Variants in ROBO2 observed in about 807,000 individuals in gnomAD.
The protein encoded by ROBO2 is roundabout homolog 2.
ROBO2 carries 53 observed loss-of-function variants against 160.8 expected under a neutral mutation model. That is an observed-to-expected ratio of 0.33 (90% CI 0.26 to 0.41). ROBO2 has a LOEUF of 0.41. ROBO2 is among the 10% of genes least tolerant of loss of function. The pLI is 1.00. For synonymous variants in ROBO2, 664 were observed against 611.7 expected, an observed-to-expected ratio of 1.09 and a Z score of -1.26; for missense variants, 1,577 against 1,722.4, an observed-to-expected ratio of 0.92 and a Z score of 1.49.
rs2076453406 is a variant in ROBO2 at position 76,918,325 on chromosome 3, C to T, written c.110-179689C>T. On this transcript the variant is annotated intron_variant, in intron 2 of 26. Transcript: ENST00000487694. Reference sequence around the variant, plus strand: ...CATTTCCCCTCTTTGCACTTATTCTCTCTCCTGTGACCCTGTGAAGAGGTG... The same window carrying T: ...CATTTCCCCTCTTTGCACTTATTCTTTCTCCTGTGACCCTGTGAAGAGGTG... 2.0e-5 allele frequency among the ~76,000 whole-genome samples: 3 copies of T among 152,164 alleles called. No homozygotes were observed. The South Asian group carries it at 6.2e-4, about 31-fold the overall frequency.
intron 1 of ROBO2, among the ~76,000 whole-genome samples, chr3:75,928,942 TACCTTCAAAC>T (rs1190836228): frequency 7.0e-6 from 1 of 142,350 alleles, no homozygotes; most frequent in African/African-American, 2.7e-5. Context: ...ACTTTCAATG[TACCTTCAAAC>T]ATGAGATGTG....
chr3:76,913,623 A>G (rs563574762), intron 2 of ROBO2, among the ~76,000 whole-genome samples: 1 of 152,348 alleles, frequency 6.6e-6, no homozygotes, highest in South Asian at 2.1e-4. Flanking sequence ...GAATAAATAA[A>G]TTAATGCATT....
At chr3:76,782,331 G>C (rs1179095984) in intron 2 of ROBO2, among the ~76,000 whole-genome samples, 1 of 150,660 alleles carries the variant, frequency 6.6e-6, no homozygotes, top group Non-Finnish European at 1.5e-5. Flanking sequence ...AATTCTGTGT[G>C]AACATTCCAT....
intron 2 of ROBO2, among the ~76,000 whole-genome samples, chr3:76,460,031 TA>T (rs1264768351): frequency 1.3e-5 from 2 of 152,270 alleles, no homozygotes; most frequent in African/African-American, 2.4e-5. Flanking sequence ...AAGATATCTT[TA>T]TTTTTTTCTT....
Position 77,253,212 on chromosome 3 carries a change from C to G in ROBO2, c.388+154872C>G, listed in dbSNP as rs150154749. On this transcript the variant is annotated intron_variant, in intron 2 of 25. Coordinates refer to ENST00000461745, the Ensembl canonical transcript of ROBO2. ...TTTCAACGTGCAAATTTTGATTTTACTGAGAATATTTAAAAGATAATTGTG... is the reference window on the plus strand; with the variant it reads ...TTTCAACGTGCAAATTTTGATTTTAGTGAGAATATTTAAAAGATAATTGTG... Among the ~76,000 whole-genome samples, 296 of 152,084 alleles carry G rather than the reference C, an allele frequency of 1.9e-3. 2 individuals are homozygous for G. The highest frequency in any genetic ancestry group is 7.0e-3 in the African/African-American group (289 of 41,504).
In ROBO2 at chr3:76,278,578, A is replaced by G. The variant is rs372033289; in HGVS notation, c.109+340976A>G. On this transcript the variant is annotated intron_variant, in intron 2 of 26. Transcript: ENST00000487694. Reference sequence around the variant, plus strand: ...GAGTCAATAAAAATAACAGAACACTAAGAGAAACATACAAGTTTGTCCCGG... The same window carrying G: ...GAGTCAATAAAAATAACAGAACACTGAGAGAAACATACAAGTTTGTCCCGG... Among the ~76,000 whole-genome samples the G allele has an allele frequency of 1.7e-4, 26 of 152,162 alleles. No individual in the cohort carries two copies. In the South Asian group the frequency reaches 5.4e-3, roughly 32 times the overall value.
chr3:76,328,062 A>G (rs1207379693), intron 2 of ROBO2, among the ~76,000 whole-genome samples: 1 of 152,192 alleles, frequency 6.6e-6, no homozygotes, highest in Non-Finnish European at 1.5e-5. Flanking sequence ...AGCCTTCACT[A>G]AATTAATTGA....
chr3:77,442,882 T>C (rs1193881822), intron 2 of ROBO2, among the ~76,000 whole-genome samples: 1 of 152,202 alleles, frequency 6.6e-6, no homozygotes, highest in African/African-American at 2.4e-5. Flanking sequence ...TTAGTAATAA[T>C]AAACACCTGA....
At chr3:77,267,116 T>A (rs1324992734) in intron 2 of ROBO2, among the ~76,000 whole-genome samples, 2 of 152,170 alleles carry the variant, frequency 1.3e-5, no homozygotes, top group Non-Finnish European at 1.5e-5. Flanking sequence ...ACATAAAAGT[T>A]CAGGGATTAT....
At chr3:76,355,250 A>C (rs904234574) in intron 2 of ROBO2, among the ~76,000 whole-genome samples, 13 of 151,776 alleles carry the variant, frequency 8.6e-5, no homozygotes, top group African/African-American at 2.9e-4. Flanking sequence ...TTTGTTATCA[A>C]TAGGTAATAG....
At chr3:76,032,573 T>C (rs2066961663) in intron 2 of ROBO2, among the ~76,000 whole-genome samples, 1 of 152,212 alleles carries the variant, frequency 6.6e-6, no homozygotes, top group African/African-American at 2.4e-5. Context: ...TTCTCATTGG[T>C]TTCAAAGAAC....
chr3:77,512,058 G>T (rs1335844450), intron 5 of ROBO2, among the ~76,000 whole-genome samples: 1 of 151,898 alleles, frequency 6.6e-6, no homozygotes, highest in Non-Finnish European at 1.5e-5. Flanking sequence ...AAAAAGAAAA[G>T]TGTGACCTGT....
intron 2 of ROBO2, among the ~76,000 whole-genome samples, chr3:76,383,994 A>T (rs1461541353): frequency 6.6e-6 from 1 of 152,236 alleles, no homozygotes; most frequent in African/African-American, 2.4e-5. Context: ...AGCATGTGAC[A>T]AGACAGGCTG....
chr3:77,431,251 G>A (rs927270872), intron 2 of ROBO2, among the ~76,000 whole-genome samples: 8 of 152,242 alleles, frequency 5.3e-5, no homozygotes, highest in Middle Eastern at 6.8e-3. Context: ...CAATCAATGG[G>A]ATTTGATTAG....
At chr3:76,057,611 CTTGGGAAAGTG>C (rs1286932547) in intron 2 of ROBO2, among the ~76,000 whole-genome samples, 2 of 152,086 alleles carry the variant, frequency 1.3e-5, no homozygotes, top group African/African-American at 4.8e-5. Context: ...ATATCAGTTT[CTTGGGAAAGTG>C]TTGTGGAGTA....
chr3:75,975,224 A>G (rs1267090480), intron 2 of ROBO2, among the ~76,000 whole-genome samples: 1 of 151,498 alleles, frequency 6.6e-6, no homozygotes. Context: ...TTGGGTAAAT[A>G]AGGTCTGCCA....
At chr3:76,400,064 C>A (rs2077724921) in intron 2 of ROBO2, among the ~76,000 whole-genome samples, 1 of 151,608 alleles carries the variant, frequency 6.6e-6, no homozygotes, top group Non-Finnish European at 1.5e-5. Flanking sequence ...GATACCAATC[C>A]TAAAATCCCA....
At chr3:77,179,061 T>G (rs1353088007) in intron 2 of ROBO2, among the ~76,000 whole-genome samples, 1 of 152,068 alleles carries the variant, frequency 6.6e-6, no homozygotes, top group Admixed American at 6.6e-5. Flanking sequence ...ACTATATATA[T>G]TCCTCTTATT....
At chr3:76,230,107 C>T (rs1704529758) in intron 2 of ROBO2, among the ~76,000 whole-genome samples, 1 of 152,124 alleles carries the variant, frequency 6.6e-6, no homozygotes, top group African/African-American at 2.4e-5. Flanking sequence ...GTCAGCTCCT[C>T]CAGTCTCTCA....
Sources: gnomAD v4.1 joint callset for allele counts (sites outside exome capture counted in the v4.1 genomes callset) on GRCh38, gnomAD v4.1.1 for gene constraint, MANE v1.5 for transcripts, NCBI Gene and HGNC (gene_info 2026-07-23, HGNC 2026-07-21) for gene names.